Variants in GNL3 observed in about 807,000 individuals in gnomAD.
GNL3 encodes G protein nucleolar 3.
A neutral mutation model predicts 70.6 loss-of-function variants in GNL3; 77 were observed. That is an observed-to-expected ratio of 1.09 (90% CI 0.91 to 1.32). The LOEUF (loss-of-function observed/expected upper bound fraction) is 1.32, where lower values mean the gene tolerates loss of function less well. Among genes scored for constraint, GNL3 ranks in the 40% most tolerant of loss-of-function variants. The probability of loss-of-function intolerance (pLI) is 0.00; values close to 1 mark genes in which losing one functional copy is unlikely to be tolerated. For missense variants in GNL3, 634 were observed against 644.0 expected, an observed-to-expected ratio of 0.98 and a Z score of 0.17; for synonymous variants, 252 against 216.1, an observed-to-expected ratio of 1.17 and a Z score of -1.46.
At chr3:52,692,734 T>C (rs371106559) in intron 9 of GNL3, 138 bp from the exon 10 acceptor site, 1 of 776,546 alleles carries the variant, frequency 1.3e-6, no homozygotes, top group Non-Finnish European at 2.3e-6. Flanking sequence ...CAGTTTTAGA[T>C]AAATGTGAAG....
chr3:52,691,489 A>T, intron 8 of GNL3, 53 bp from the exon 9 acceptor site: 9 of 1,061,246 alleles, frequency 8.5e-6, no homozygotes, highest in East Asian at 2.4e-5. Flanking sequence ...TGAAAATTTC[A>T]TAAGTGCCAA....
chr3:52,691,237 C>T (rs2097326922), intron 8 of GNL3, 166 bp downstream of exon 8: 1 of 646,504 alleles, frequency 1.5e-6, no homozygotes, highest in African/African-American at 1.8e-5. Context: ...CATAACCACA[C>T]ACAATTTAAA....
Position 52,693,219 on chromosome 3 carries a change from GA to G in GNL3, c.1079del (p.Asn360IlefsTer40). On this transcript the variant is annotated frameshift_variant, in exon 11 of 15. Transcript: ENST00000418458. LOFTEE classifies it high-confidence loss of function. ...TGAAATATACTGTCCCAGGCTACAG[GA>G]ATTCTCTGGAATTTTTTACTGTGCT... ...VLKYTVPGYRNSLEFFTVLAQ... is the reference protein window; with the variant it reads ...VLKYTVPGYRXSLEFFTVLAQ... 4 of 1,613,684 alleles carry G rather than the reference GA, an allele frequency of 2.5e-6. No homozygotes were observed. The highest frequency in any genetic ancestry group is 3.4e-6 in the Non-Finnish European group (4 of 1,179,820).
chr3:52,686,707 A>G (rs755895260), intron 1 of GNL3, 62 bp from the exon 2 acceptor site: 32 of 1,233,082 alleles, frequency 2.6e-5, no homozygotes, highest in Non-Finnish European at 3.8e-5. Context: ...ATATAACTCC[A>G]TAGTGCGTTA....
chr3:52,689,522 C>T lies in GNL3; in HGVS notation c.541+316C>T, dbSNP rs544718834. 3.3e-5 allele frequency among the ~76,000 whole-genome samples: 5 copies of T among 152,288 alleles called. No individual in the cohort carries two copies. In the East Asian group the frequency reaches 9.6e-4, roughly 29 times the overall value. ...GTGTGACAAATTCCCCACACCTACA[C>T]AATGTCGGGTATTAGTTCAAGAGTG... On this transcript the variant is annotated intron_variant, in intron 6 of 14. Coordinates refer to ENST00000418458, the MANE Select transcript of GNL3 (RefSeq NM_014366.5).
In GNL3 at chr3:52,687,239, T is replaced by C. The variant is rs1432067037; in HGVS notation, c.73-7T>C. 3 of 1,603,682 alleles carry C rather than the reference T, an allele frequency of 1.9e-6. No homozygotes were observed. The South Asian group carries it at 3.3e-5, about 18-fold the overall frequency. ...TGTAAGCAGACAAAATCTCTTTATTTTAATAGGTTCGAGAACATCATCGAA... is the reference window on the plus strand; with the variant it reads ...TGTAAGCAGACAAAATCTCTTTATTCTAATAGGTTCGAGAACATCATCGAA... On this transcript the variant is annotated splice_region_variant and splice_polypyrimidine_tract_variant and intron_variant, in intron 2 of 14. Coordinates refer to ENST00000418458, the MANE Select transcript of GNL3 (RefSeq NM_014366.5).
chr3:52,693,401 A>G lies in GNL3; in HGVS notation c.1188-7A>G, dbSNP rs2097329285. The stretch of plus-strand genomic sequence containing the variant: ...CTTCTTTTGACACATCTTATTTTTA[A>G]TATCAGTGCCTCATTAGCTTACTAT... On this transcript the variant is annotated splice_region_variant and splice_polypyrimidine_tract_variant and intron_variant, in intron 11 of 14. Coordinates refer to ENST00000418458, the MANE Select transcript of GNL3 (RefSeq NM_014366.5). The G allele has an allele frequency of 8.1e-6, 13 of 1,614,046 alleles. No homozygotes were observed. Among genetic ancestry groups the G allele is most frequent in the Non-Finnish European group, 1.1e-5 (13 of 1,180,000 alleles).
intron 4 of GNL3, 153 bp from the exon 5 acceptor site, chr3:52,687,956 C>CT (rs2097323824): frequency 3.1e-6 from 2 of 649,758 alleles, no homozygotes; most frequent in African/African-American, 3.6e-5. Context: ...CATCCACAGG[C>CT]TGCTGAGCTT....
At position 52,689,089 on chromosome 3, in the gene GNL3, G is replaced by C. The variant is rs1316204392; in HGVS notation, c.424G>C (p.Asp142His). ...TCCTTGATAGGTGATTGAAGCCTCCGATGTTGTCCTAGAGGTGTTGGATGC... is the reference window on the plus strand; with the variant it reads ...TCCTTGATAGGTGATTGAAGCCTCCCATGTTGTCCTAGAGGTGTTGGATGC... ...QELKKVIEAS[D>H]VVLEVLDARD... The change falls in exon 6 of 15, where the codon GAT becomes CAT. Residue 142 changes from aspartate to histidine, a missense_variant. Asp to His is a moderately conservative substitution (Grantham distance 81). Transcript: ENST00000418458. 1 of 1,613,460 alleles carries C rather than the reference G, an allele frequency of 6.2e-7. No homozygotes were observed. The highest frequency in any genetic ancestry group is 8.5e-7 in the Non-Finnish European group (1 of 1,179,354).
At chr3:52,693,355 T>C in intron 11 of GNL3, 26 bp downstream of exon 11, 1 of 1,613,756 alleles carries the variant, frequency 6.2e-7, no homozygotes, top group South Asian at 1.1e-5. Flanking sequence ...TGTTGGCATT[T>C]TGGTGACCAC....
chr3:52,687,329 C>T lies in GNL3; in HGVS notation c.156C>T (p.Asn52=), dbSNP rs1358221496. ...CTAGGAAAGACCCAGGAGTTCCAAA[C>T]AGTGCTCCCTTTAAGGAGGCTCTTC... ...KKPRKDPGVP[N]SAPFKEALLR... Residue 52 remains asparagine (N), a synonymous_variant, in exon 3 of 15, where the codon AAC becomes AAT. Coordinates refer to ENST00000418458, the MANE Select transcript of GNL3 (RefSeq NM_014366.5). The T allele has an allele frequency of 5.0e-6, 8 of 1,613,520 alleles. No individual in the cohort carries two copies. The highest frequency in any genetic ancestry group is 5.9e-6 in the Non-Finnish European group (7 of 1,179,416).
At chr3:52,691,138 C>G in intron 8 of GNL3, 67 bp downstream of exon 8, 1 of 1,388,778 alleles carries the variant, frequency 7.2e-7, no homozygotes, top group Non-Finnish European at 1.0e-6. Flanking sequence ...AGCCAGCTCT[C>G]CAAGTGCCCA....
chr3:52,689,837 A>G (rs191411404), intron 6 of GNL3, among the ~76,000 whole-genome samples: 69 of 152,316 alleles, frequency 4.5e-4, no homozygotes, highest in African/African-American at 1.4e-3. Flanking sequence ...TTGTAGTCCC[A>G]GCTACTCGGA....
Position 52,692,944 on chromosome 3 carries a change from T to TTG in GNL3, c.942_943insTG (p.Asn315Ter). ...GTCCGAGCTTCATCGTATCTCCACT[T>TTG]AATTCCTCCTCTGCGCTTGCTCTGC... On this transcript the variant is annotated frameshift_variant, in exon 10 of 15. Coordinates refer to ENST00000418458, the MANE Select transcript of GNL3 (RefSeq NM_014366.5). LOFTEE classifies it high-confidence loss of function. The TTG allele has an allele frequency of 6.2e-7, 1 of 1,613,586 alleles. No individual in the cohort carries two copies. The highest frequency in any genetic ancestry group is 8.5e-7 in the Non-Finnish European group (1 of 1,179,482).
chr3:52,693,805 G>C lies in GNL3; in HGVS notation c.1498G>C (p.Asp500His), dbSNP rs780896442. The C allele has an allele frequency of 6.2e-7, 1 of 1,611,770 alleles. No homozygotes were observed. Among genetic ancestry groups the C allele is most frequent in the South Asian group, 1.1e-5 (1 of 90,984 alleles). The change falls in exon 13 of 15, where the codon GAT (aspartate) becomes CAT (histidine). Residue 500 changes from aspartate to histidine, a missense_variant and splice_region_variant. Coordinates refer to ENST00000418458, the MANE Select transcript of GNL3 (RefSeq NM_014366.5). ...CCAGGAAACTGTTGATGAAGAAGTT[G>C]ATGTAAGTGTGTCCTCCATGAGTTA... ...SDQETVDEEV[D>H]ENSSGMFAAE...
intron 6 of GNL3, chr3:52,689,424 T>A: frequency 6.4e-6 from 4 of 627,342 alleles, no homozygotes; most frequent in Non-Finnish European, 1.2e-5. Flanking sequence ...GTATTTACCA[T>A]CTTTTAAATA....
chr3:52,687,452 G>A (rs373178553), intron 3 of GNL3, 50 bp from the exon 4 acceptor site: 1 of 1,594,394 alleles, frequency 6.3e-7, no homozygotes, highest in East Asian at 2.2e-5. Context: ...TTCAGAGTAA[G>A]GTAACAACAC....
At chr3:52,685,942 TCCGCGCGACACTGCGTGC>T, upstream of GNL3, 3 of 714,264 alleles carry the variant, frequency 4.2e-6, no homozygotes, top group Non-Finnish European at 7.8e-6. Flanking sequence ...CGATCCCTGC[TCCGCGCGACACTGCGTGC>T]CCGCGCACGC....
At chr3:52,687,703 A>G (rs1340598792) in intron 4 of GNL3, 88 bp downstream of exon 4, 3 of 738,772 alleles carry the variant, frequency 4.1e-6, no homozygotes, top group African/African-American at 3.5e-5. Flanking sequence ...CACAATCACA[A>G]CTCACTGCAA....
Sources: gnomAD v4.1 joint callset for allele counts (sites outside exome capture counted in the v4.1 genomes callset) on GRCh38, gnomAD v4.1.1 for gene constraint, MANE v1.5 for transcripts, NCBI Gene and HGNC (gene_info 2026-07-23, HGNC 2026-07-21) for gene names.